The following LRFN2 variants were observed in gnomAD, a reference collection of about 807,000 sequenced individuals.
LRFN2 encodes the protein leucine rich repeat and fibronectin type III domain containing 2, also known as leucine-rich repeat and fibronectin type-III domain-containing protein 2.
LRFN2 carries 18 observed loss-of-function variants against 37.3 expected under a neutral mutation model. That is an observed-to-expected ratio of 0.48 (90% CI 0.33 to 0.72). LRFN2 has a LOEUF of 0.72. Among genes scored for constraint, LRFN2 ranks in the 30% least tolerant of loss-of-function variants. LRFN2 has a pLI of 0.02. For missense variants in LRFN2, 1,006 were observed against 1,060.7 expected (o/e 0.95, Z 0.72); for synonymous variants, 556 against 466.6 (o/e 1.19, Z -2.47).
At chr6:40,505,563 C>T (rs1158068800) in intron 1 of LRFN2, among the ~76,000 whole-genome samples, 4 of 152,290 alleles carry the variant, frequency 2.6e-5, no homozygotes, top group South Asian at 4.1e-4. Flanking sequence ...TGGGAAGTTG[C>T]CACACAAAGC....
intron 1 of LRFN2, among the ~76,000 whole-genome samples, chr6:40,522,971 C>A (rs374737): frequency 6.6e-6 from 1 of 152,036 alleles, no homozygotes; most frequent in African/African-American, 2.4e-5. Context: ...AAGGGAAGGA[C>A]AGACACACAG....
In LRFN2 at chr6:40,581,147, G is replaced by C. The variant is rs750177068; in HGVS notation, c.-19+5794C>G. On this transcript the variant is annotated intron_variant, in intron 1 of 2. Coordinates refer to ENST00000338305, the MANE Select transcript of LRFN2 (RefSeq NM_020737.3). ...ACAGTGTTTGGTCATAGACTAGTCA[G>C]GAGCACGAAGCAAAGAAAAGCCTCA... Among the ~76,000 whole-genome samples, 22 of 152,166 alleles carry C rather than the reference G, an allele frequency of 1.4e-4. 1 individual carries two copies. Among genetic ancestry groups the C allele is most frequent in the Non-Finnish European group, 2.8e-4 (19 of 68,020 alleles).
intron 1 of LRFN2, among the ~76,000 whole-genome samples, chr6:40,504,351 T>A (rs951313842): frequency 3.9e-5 from 6 of 152,202 alleles, no homozygotes; most frequent in African/African-American, 1.4e-4. Context: ...TAAATTGGAA[T>A]AATCACAGGA....
intron 1 of LRFN2, among the ~76,000 whole-genome samples, chr6:40,473,647 A>T (rs914027876): frequency 2.6e-5 from 4 of 152,324 alleles, no homozygotes; most frequent in South Asian, 2.1e-4. Flanking sequence ...TACATGTGCC[A>T]TGGTGGTTTG....
intron 1 of LRFN2, among the ~76,000 whole-genome samples, chr6:40,552,247 G>A (rs1237156698): frequency 1.3e-5 from 2 of 152,170 alleles, no homozygotes; most frequent in Non-Finnish European, 2.9e-5. Flanking sequence ...GCATTCCCAA[G>A]CTTGAAAACC....
intron 1 of LRFN2, among the ~76,000 whole-genome samples, chr6:40,435,052 T>TATATAGAGAGAGAG (rs1482968698): frequency 1.6e-4 from 6 of 37,540 alleles, no homozygotes; most frequent in Admixed American, 4.4e-4. Context: ...TATATATATA[T>TATATAGAGAGAGAG]AGAGAGAGAG....
intron 1 of LRFN2, among the ~76,000 whole-genome samples, chr6:40,433,554 G>A (rs866358117): frequency 7.9e-5 from 12 of 152,154 alleles, no homozygotes; most frequent in African/African-American, 2.7e-4. Context: ...GGATGAATGC[G>A]ATACCATATC....
intron 1 of LRFN2, among the ~76,000 whole-genome samples, chr6:40,574,771 A>G (rs111752959): frequency 9.2e-5 from 14 of 152,258 alleles, no homozygotes; most frequent in African/African-American, 3.4e-4. Context: ...AGCAAGCTTC[A>G]CTTCACAGCA....
intron 1 of LRFN2, among the ~76,000 whole-genome samples, chr6:40,485,364 G>A (rs908684477): frequency 1.3e-5 from 2 of 152,146 alleles, no homozygotes; most frequent in African/African-American, 2.4e-5. Context: ...TGACAGAGTG[G>A]CCAGCCTGGA....
rs754647751 is a variant in LRFN2, at chr6:40,432,769, A to C, written c.345T>G (p.Leu115=). The C allele has an allele frequency of 1.9e-5, 31 of 1,614,198 alleles. No homozygotes were observed. Among genetic ancestry groups the C allele is most frequent in the Non-Finnish European group, 2.0e-5 (24 of 1,180,032 alleles). Residue 115 remains leucine (L), a synonymous_variant, in exon 2 of 3, where the codon CTT becomes CTG. Transcript: ENST00000338305. ...CCAGGCCCCGGAGGGTGTCCTCCCC[A>C]AGGCTTGGCAGCCGATTGCTGTCAA... ...LHLDSNRLPS[L]GEDTLRGLVN...
intron 1 of LRFN2, among the ~76,000 whole-genome samples, chr6:40,586,059 C>T (rs1285827915): frequency 6.6e-6 from 1 of 152,210 alleles, no homozygotes; most frequent in Non-Finnish European, 1.5e-5. Flanking sequence ...CTCAGGCTCT[C>T]TTCTCCCTCC....
Position 40,391,836 on chromosome 6 carries a change from G to A in LRFN2, c.*107C>T, listed in dbSNP as rs1455730429. On this transcript the variant is annotated 3_prime_UTR_variant, in exon 3 of 3. Transcript: ENST00000338305. ...AGGCCATTGACAGGGAGACGAAACTGTCCCTGGATGTAAACATCACCATGG... is the reference window on the plus strand; with the variant it reads ...AGGCCATTGACAGGGAGACGAAACTATCCCTGGATGTAAACATCACCATGG... 3 of 1,231,598 alleles carry A rather than the reference G, an allele frequency of 2.4e-6. No individual in the cohort carries two copies. The highest frequency in any genetic ancestry group is 3.3e-6 in the Non-Finnish European group (3 of 908,172). 76.3% of individuals were successfully genotyped at this position (1,231,598 alleles called of 1,614,324 possible). A position where few individuals can be genotyped will look rare whatever the true frequency, so the allele number is the denominator to read the frequency against.
intron 1 of LRFN2, among the ~76,000 whole-genome samples, chr6:40,437,419 C>G (rs1763711231): frequency 6.6e-6 from 1 of 151,890 alleles, no homozygotes; most frequent in Non-Finnish European, 1.5e-5. Flanking sequence ...GATGCATACC[C>G]TGGAGCTCAG....
Position 40,441,919 on chromosome 6 carries a change from C to T in LRFN2, c.-18-8788G>A, listed in dbSNP as rs115994746. The stretch of plus-strand genomic sequence containing the variant: ...GGGAGACCAGAGTTCCTGGATGGAA[C>T]CTTCTCACCCAGAGGGTGAAGGTGG... On this transcript the variant is annotated intron_variant, in intron 1 of 2. Transcript: ENST00000338305. Among the ~76,000 whole-genome samples, 5 of 152,346 alleles carry T rather than the reference C, an allele frequency of 3.3e-5. No homozygotes were observed. In the South Asian group the frequency reaches 8.3e-4, roughly 25 times the overall value.
chr6:40,472,510 C>T (rs934465537), intron 1 of LRFN2, among the ~76,000 whole-genome samples: 32 of 152,202 alleles, frequency 2.1e-4, no homozygotes, highest in African/African-American at 6.8e-4. Flanking sequence ...TAAGCCTTCC[C>T]GGGCATCCTG....
intron 2 of LRFN2, among the ~76,000 whole-genome samples, chr6:40,418,048 G>A (rs931291633): frequency 6.6e-6 from 1 of 152,212 alleles, no homozygotes; most frequent in African/African-American, 2.4e-5. Context: ...AGAGGTTTCC[G>A]TCTCATTCAA....
intron 1 of LRFN2, among the ~76,000 whole-genome samples, chr6:40,474,580 C>T (rs1035043521): frequency 2.0e-5 from 3 of 152,174 alleles, no homozygotes; most frequent in African/African-American, 4.8e-5. Flanking sequence ...ACCTCTGCCT[C>T]CTGGGTTCAA....
intron 2 of LRFN2, among the ~76,000 whole-genome samples, chr6:40,424,630 C>A (rs13196792): frequency 6.6e-6 from 1 of 152,068 alleles, no homozygotes; most frequent in African/African-American, 2.4e-5. Flanking sequence ...CATTTTGATC[C>A]GGGCTCTGAC....
intron 1 of LRFN2, among the ~76,000 whole-genome samples, chr6:40,460,505 C>T (rs558314413): frequency 6.3e-4 from 96 of 152,254 alleles, no homozygotes; most frequent in Non-Finnish European, 1.2e-3. Flanking sequence ...AGCCCAGATC[C>T]CAAAGCACAT....
Sources: gnomAD v4.1 joint callset for allele counts (sites outside exome capture counted in the v4.1 genomes callset) on GRCh38, gnomAD v4.1.1 for gene constraint, MANE v1.5 for transcripts, NCBI Gene and HGNC (gene_info 2026-07-23, HGNC 2026-07-21) for gene names.